The following DPH5 variants were observed in gnomAD, a reference collection of about 807,000 sequenced individuals.
DPH5 encodes the protein diphthine methyl ester synthase.
In DPH5, 31 loss-of-function variants were observed where a neutral mutation model predicts 31.6. That is an observed-to-expected ratio of 0.98 (90% CI 0.74 to 1.32). The LOEUF is 1.32. DPH5 is among the 40% of genes most tolerant of loss of function. The probability of loss-of-function intolerance (pLI) is 0.00; values close to 1 mark genes in which losing one functional copy is unlikely to be tolerated. For synonymous variants in DPH5, 120 were observed against 115.0 expected (o/e 1.04, Z -0.28); for missense variants, 309 against 335.7 (o/e 0.92, Z 0.62).
intron 3 of DPH5, among the ~76,000 whole-genome samples, chr1:101,020,481 C>T (rs1288652166): frequency 6.6e-6 from 1 of 151,902 alleles, no homozygotes; most frequent in Non-Finnish European, 1.5e-5. Flanking sequence ...CTAGGGCCAT[C>T]CTAGGTCCTC....
intron 6 of DPH5, among the ~76,000 whole-genome samples, chr1:100,993,651 A>T (rs1330696300): frequency 7.0e-6 from 1 of 143,756 alleles, no homozygotes; most frequent in Non-Finnish European, 1.5e-5. Context: ...GACTCTCAAA[A>T]AAATTCTGTC....
chr1:101,009,133 T>C (rs1659455645), intron 4 of DPH5, among the ~76,000 whole-genome samples: 1 of 152,204 alleles, frequency 6.6e-6, no homozygotes, highest in African/African-American at 2.4e-5. Context: ...TCCCAAGACA[T>C]TAGTAGAGAC....
intron 2 of DPH5, 88 bp from the exon 3 acceptor site, chr1:101,021,853 CACACA>C: frequency 7.7e-7 from 1 of 1,296,192 alleles, no homozygotes; most frequent in Non-Finnish European, 1.1e-6. Context: ...CACACACACA[CACACA>C]CTCTTTGTTT....
chr1:100,992,530 A>G, intron 7 of DPH5, 107 bp downstream of exon 7: 1 of 740,102 alleles, frequency 1.4e-6, no homozygotes, highest in Non-Finnish European at 2.1e-6. Flanking sequence ...GTACAATACA[A>G]AAATACTGAC....
rs902987444 is a variant in DPH5 at position 101,013,747 on chromosome 1, G to T, written c.332C>A (p.Ala111Asp). The T allele has an allele frequency of 1.5e-5, 24 of 1,612,418 alleles. No individual in the cohort carries two copies. Among genetic ancestry groups the T allele is most frequent in the Non-Finnish European group, 2.0e-5 (23 of 1,179,048 alleles). ...LGIPYRVIHN[A>D]SIMNAVGCCG... ...GCAGCCTACAGCATTCATTATGGAG[G>T]CATTGTGAATAACTCTATAAGGAAT... The change falls in exon 4 of 8, where the codon GCC becomes GAC. Residue 111 changes from alanine to aspartate, a missense_variant. Transcript: ENST00000370109.
chr1:101,025,756 C>A lies in DPH5; in HGVS notation c.-97G>T. 6.4e-6 allele frequency: 2 copies of A among 312,658 alleles called. No homozygotes were observed. The highest frequency in any genetic ancestry group is 6.0e-6 in the Non-Finnish European group (1 of 165,668). 19.4% of individuals were successfully genotyped at this position (312,658 alleles called of 1,614,324 possible). A position where few individuals can be genotyped will look rare whatever the true frequency, so the allele number is the denominator to read the frequency against. ...TACCACCTTTCCGCAGAAGCAACTG[C>A]AAAAGCGCCGGCTCCGTGCAGAGAA... On this transcript the variant is annotated 5_prime_UTR_variant, in exon 1 of 8. Coordinates refer to ENST00000370109, the MANE Select transcript of DPH5 (RefSeq NM_015958.3).
intron 5 of DPH5, among the ~76,000 whole-genome samples, chr1:100,998,580 A>G (rs1293892974): frequency 3.9e-5 from 6 of 151,966 alleles, no homozygotes; most frequent in Non-Finnish European, 8.8e-5. Context: ...AGAGTTAAAG[A>G]TTTTCTGTGC....
In DPH5 at chr1:100,990,330, C is replaced by T; in HGVS notation, c.*78G>A. Reference sequence around the variant, plus strand: ...ATGAGGATTAAAATTCAAGATGAGACTTGGGTGGGGATACATCCAAACCAT... The same window carrying T: ...ATGAGGATTAAAATTCAAGATGAGATTTGGGTGGGGATACATCCAAACCAT... On this transcript the variant is annotated 3_prime_UTR_variant, in exon 8 of 8. Transcript: ENST00000370109. 7.5e-7 allele frequency: 1 copy of T among 1,335,846 alleles called. No individual in the cohort carries two copies. The highest frequency in any genetic ancestry group is 1.1e-6 in the Non-Finnish European group (1 of 942,968). The allele number at this position is 1,335,846 out of a possible 1,614,324, so 82.7% of individuals were successfully genotyped here.
In DPH5 at chr1:101,001,480, T is replaced by G; in HGVS notation, c.477A>C (p.Thr159=). The change falls in exon 5 of 8, where the codon ACA becomes ACC. Residue 159 remains threonine (T), a synonymous_variant. Transcript: ENST00000370109. ...CAAAACCCTTACCTAGTAAACATAA[T>G]GTGTGCATGCCATTTTGTCTGTTCT... ...VKKNRQNGMH[T]LCLLDIKVKE... 3 of 1,613,482 alleles carry G rather than the reference T, an allele frequency of 1.9e-6. No individual in the cohort carries two copies. Among genetic ancestry groups the G allele is most frequent in the Non-Finnish European group, 2.5e-6 (3 of 1,179,716 alleles).
chr1:101,022,798 C>T (rs1423237941), intron 2 of DPH5: 1 of 152,180 alleles, frequency 6.6e-6, no homozygotes, highest in Non-Finnish European at 1.5e-5. Flanking sequence ...GACCATTTTG[C>T]TTGAATCCTA....
chr1:101,004,770 T>G (rs1659106720), intron 4 of DPH5, among the ~76,000 whole-genome samples: 1 of 152,178 alleles, frequency 6.6e-6, no homozygotes, highest in Non-Finnish European at 1.5e-5. Flanking sequence ...ATACAAGGCG[T>G]AAGCTAGACC....
At chr1:101,004,370 G>A (rs1399414076) in intron 4 of DPH5, among the ~76,000 whole-genome samples, 1 of 152,132 alleles carries the variant, frequency 6.6e-6, no homozygotes, top group African/African-American at 2.4e-5. Context: ...CCTAAGTATT[G>A]AACCATCCTA....
At chr1:101,018,419 A>G (rs1334687132) in intron 3 of DPH5, among the ~76,000 whole-genome samples, 1 of 151,814 alleles carries the variant, frequency 6.6e-6, no homozygotes, top group African/African-American at 2.4e-5. Flanking sequence ...TTGTATTTTT[A>G]GTAGAGATGG....
chr1:101,022,393 T>G (rs1320501573), intron 2 of DPH5, among the ~76,000 whole-genome samples: 2 of 152,352 alleles, frequency 1.3e-5, no homozygotes, highest in East Asian at 3.9e-4. Flanking sequence ...TGTAGGAAGT[T>G]TGCAAACAAA....
At chr1:101,014,360 G>C (rs1017687300) in intron 3 of DPH5, among the ~76,000 whole-genome samples, 1 of 152,146 alleles carries the variant, frequency 6.6e-6, no homozygotes, top group Non-Finnish European at 1.5e-5. Flanking sequence ...AATATAGCCA[G>C]CCACATTAAT....
chr1:100,992,582 A>T (rs1657858751), intron 7 of DPH5, 55 bp downstream of exon 7: 1 of 1,285,636 alleles, frequency 7.8e-7, no homozygotes, highest in Admixed American at 1.7e-5. Flanking sequence ...TCATATACAC[A>T]TCTAAATGTA....
chr1:100,999,667 C>T (rs542959582), intron 5 of DPH5, among the ~76,000 whole-genome samples: 1 of 151,862 alleles, frequency 6.6e-6, no homozygotes, highest in Non-Finnish European at 1.5e-5. Context: ...GGCGAAACCC[C>T]ATCTTTACTA....
At chr1:101,018,985 A>ATCTGTATATGGATGCCAC (rs1553250830) in intron 3 of DPH5, among the ~76,000 whole-genome samples, 1 of 152,210 alleles carries the variant, frequency 6.6e-6, no homozygotes, top group Admixed American at 6.5e-5. Context: ...AGGACATATT[A>ATCTGTATATGGATGCCAC]TCTGTATATG....
intron 7 of DPH5, among the ~76,000 whole-genome samples, chr1:100,991,788 C>CAAAAGAAAAAA (rs1657748156): frequency 9.9e-6 from 1 of 101,066 alleles, no homozygotes; most frequent in African/African-American, 4.0e-5. Context: ...GACCCCATCT[C>CAAAAGAAAAAA]AAAAAAAAAA....
Sources: allele counts gnomAD v4.1 joint callset (sites outside exome capture counted in the v4.1 genomes callset), GRCh38; gene constraint gnomAD v4.1.1; transcripts MANE v1.5; gene names NCBI Gene and HGNC (gene_info 2026-07-23, HGNC 2026-07-21).